The following DDR1 variants were observed in gnomAD, a reference collection of about 807,000 sequenced individuals.
DDR1 encodes discoidin domain receptor tyrosine kinase 1, also known as epithelial discoidin domain-containing receptor 1.
DDR1 carries 64 observed loss-of-function variants against 97.4 expected under a neutral mutation model. That is an observed-to-expected ratio of 0.66 (90% confidence interval 0.54 to 0.81). The LOEUF (loss-of-function observed/expected upper bound fraction) is 0.81. Ranked by LOEUF, DDR1 falls within the 30% of genes least tolerant of loss-of-function variation. The probability of loss-of-function intolerance (pLI) is 0.00; values close to 1 mark genes in which losing one functional copy is unlikely to be tolerated. For missense variants in DDR1, 990 were observed against 1,259.6 expected (o/e 0.79, Z 3.24); for synonymous variants, 458 against 503.7 (o/e 0.91, Z 1.21).
rs376782468 is a variant in DDR1, at chr6:30,889,186, C to T, written c.189-16C>T. Reference sequence around the variant, plus strand: ...ACCTGGGGCCAGATGTTCTCTGTGCCCCTCTTCACCCTCAGGTTGGAGAGC... The same window carrying T: ...ACCTGGGGCCAGATGTTCTCTGTGCTCCTCTTCACCCTCAGGTTGGAGAGC... On this transcript the variant is annotated splice_polypyrimidine_tract_variant and intron_variant, in intron 3 of 17. Coordinates refer to ENST00000376568, the MANE Select transcript of DDR1 (RefSeq NM_001297654.2). This position sits in a 1 kb window ranked among gnomAD's most constrained non-coding sequence, Gnocchi z 4.9. 511 of 1,611,600 alleles carry T rather than the reference C, an allele frequency of 3.2e-4. 1 individual carries two copies. The highest frequency in any genetic ancestry group is 4.2e-4 in the Non-Finnish European group (498 of 1,178,884).
In DDR1 at chr6:30,899,088, C is replaced by T. The variant is rs1361058103; in HGVS notation, c.2601+51C>T. ...GGTCCGAGGCGGGGGACAGAAGGGG[C>T]AGAGTTGTCATCTTGGAGACTAAAG... On this transcript the variant is annotated intron_variant, in intron 17 of 17. Transcript: ENST00000376568. 2.5e-6 allele frequency: 4 copies of T among 1,614,002 alleles called. No individual in the cohort carries two copies. The African/African-American group carries it at 4.0e-5, about 16-fold the overall frequency.
In DDR1 at chr6:30,898,406, G is replaced by A. The variant is rs953440029; in HGVS notation, c.2451+99G>A. ...CTCCATCAGTCACACACTTTCTCTG[G>A]GTTGCATTTTACAGAATCTCATCTA... On this transcript the variant is annotated intron_variant, in intron 16 of 17. Coordinates refer to ENST00000376568, the MANE Select transcript of DDR1 (RefSeq NM_001297654.2). The A allele has an allele frequency of 6.7e-6, 6 of 894,260 alleles. No individual in the cohort carries two copies. In the African/African-American group the frequency reaches 8.4e-5, roughly 12 times the overall value. 55.4% of individuals were successfully genotyped at this position (894,260 alleles called of 1,614,324 possible). A position where few individuals can be genotyped will look rare whatever the true frequency, so the allele number is the denominator to read the frequency against.
Position 30,891,743 on chromosome 6 carries a change from C to G in DDR1, c.666-259C>G, listed in dbSNP as rs9366761. Among the ~76,000 whole-genome samples the G allele has an allele frequency of 6.6e-6, 1 of 151,992 alleles. No homozygotes were observed. The highest frequency in any genetic ancestry group is 2.1e-4 in the South Asian group (1 of 4,824). On this transcript the variant is annotated intron_variant, in intron 6 of 17. Coordinates refer to ENST00000376568, the MANE Select transcript of DDR1 (RefSeq NM_001297654.2). This position sits in a 1 kb window ranked among gnomAD's most constrained non-coding sequence, Gnocchi z 5.3. The stretch of plus-strand genomic sequence containing the variant: ...GTTGGAAATTGCTGCAATAAATATA[C>G]ACATCATAGATTGAAATGGTGCCCC...
chr6:30,881,686 C>T (rs1168224466), upstream of DDR1, among the ~76,000 whole-genome samples: 1 of 152,190 alleles, frequency 6.6e-6, no homozygotes, highest in African/African-American at 2.4e-5. Flanking sequence ...CCTTTTCTTC[C>T]CAAACTTCAG....
Position 30,899,782 on chromosome 6 carries a change from C to T in DDR1, c.*486C>T. ...AAGGAGAGGAAAATGTTTCCTTGTG[C>T]CTGCTCCTGTACTTGTCCTCAGCTT... On this transcript the variant is annotated 3_prime_UTR_variant, in exon 18 of 18. Coordinates refer to ENST00000376568, the MANE Select transcript of DDR1 (RefSeq NM_001297654.2). 1.2e-5 allele frequency: 4 copies of T among 339,712 alleles called. No individual in the cohort carries two copies. The highest frequency in any genetic ancestry group is 2.2e-5 in the Non-Finnish European group (4 of 181,442). The allele number at this position is 339,712 out of a possible 1,614,324, so 21.0% of individuals were successfully genotyped here. A position where few individuals can be genotyped will look rare whatever the true frequency, so the allele number is the denominator to read the frequency against.
At chr6:30,898,795 C>T (rs2150470793) in intron 16 of DDR1, 93 bp from the exon 17 acceptor site, 5 of 1,404,512 alleles carry the variant, frequency 3.6e-6, no homozygotes, top group Non-Finnish European at 4.9e-6. Context: ...CTGAGTGGAG[C>T]CCAGAGTGGA....
In DDR1 at chr6:30,897,646, C is replaced by T; in HGVS notation, c.2216+49C>T. 2 of 1,454,694 alleles carry T rather than the reference C, an allele frequency of 1.4e-6. No individual in the cohort carries two copies. Among genetic ancestry groups the T allele is most frequent in the Non-Finnish European group, 9.4e-7 (1 of 1,058,572 alleles). 90.1% of individuals were successfully genotyped at this position (1,454,694 alleles called of 1,614,324 possible). On this transcript the variant is annotated intron_variant, in intron 15 of 17. Transcript: ENST00000376568. The surrounding 1 kb of genome is among the most constrained non-coding windows in gnomAD (Gnocchi z 5.2). The stretch of plus-strand genomic sequence containing the variant: ...CTTGCTCAGAATTCCCCCAGGGGAT[C>T]TCCTCCTCTCCCCTCGCTTCAGCCT...
At position 30,897,652 on chromosome 6, in the gene DDR1, C is replaced by T; in HGVS notation, c.2216+55C>T. 7.0e-7 allele frequency: 1 copy of T among 1,428,712 alleles called. No homozygotes were observed. The highest frequency in any genetic ancestry group is 1.2e-5 in the South Asian group (1 of 83,540). 88.5% of individuals were successfully genotyped at this position (1,428,712 alleles called of 1,614,324 possible). ...CAGAATTCCCCCAGGGGATCTCCTC[C>T]TCTCCCCTCGCTTCAGCCTGGAGGA... On this transcript the variant is annotated intron_variant, in intron 15 of 17. Coordinates refer to ENST00000376568, the MANE Select transcript of DDR1 (RefSeq NM_001297654.2). The surrounding 1 kb of genome is among the most constrained non-coding windows in gnomAD (Gnocchi z 5.2).
chr6:30,895,602 TC>T, intron 12 of DDR1, 88 bp downstream of exon 12: 1 of 811,212 alleles, frequency 1.2e-6, no homozygotes, highest in Non-Finnish European at 1.9e-6. Flanking sequence ...CTTCCTCCTC[TC>T]CCCACTGTGG....
rs1368070623 is a variant in DDR1 at position 30,886,181 on chromosome 6, C to T, written c.-43+1471C>T. 6.6e-6 allele frequency among the ~76,000 whole-genome samples: 1 copy of T among 152,144 alleles called. No homozygotes were observed. Among genetic ancestry groups the T allele is most frequent in the Admixed American group, 6.5e-5 (1 of 15,282 alleles). ...TTGCATTGTGGCTCTCGCTCTGTCT[C>T]CGCCTGCCTCGTATCCTCTGCCTGC... On this transcript the variant is annotated intron_variant, in intron 1 of 17. Transcript: ENST00000376568. The surrounding 1 kb of genome is among the most constrained non-coding windows in gnomAD (Gnocchi z 4.6).
At position 30,891,403 on chromosome 6, in the gene DDR1, C is replaced by T. The variant is rs758325270; in HGVS notation, c.589C>T (p.Pro197Ser). The change falls in exon 6 of 18, where the codon CCT becomes TCT. Residue 197 changes from proline to serine, a missense_variant. Coordinates refer to ENST00000376568, the MANE Select transcript of DDR1 (RefSeq NM_001297654.2). This position sits in a 1 kb window ranked among gnomAD's most constrained non-coding sequence, Gnocchi z 5.3. ...WRDGLLSYTAPVGQTMYLSEA... is the reference protein window; with the variant it reads ...WRDGLLSYTASVGQTMYLSEA... ...AGATGGACTCCTGTCTTACACCGCCCCTGTGGGGCAGACAATGTATTTATC... is the reference window on the plus strand; with the variant it reads ...AGATGGACTCCTGTCTTACACCGCCTCTGTGGGGCAGACAATGTATTTATC... 6 of 1,612,954 alleles carry T rather than the reference C, an allele frequency of 3.7e-6. No individual in the cohort carries two copies. In the Admixed American group the frequency reaches 8.3e-5, roughly 22 times the overall value.
Position 30,889,214 on chromosome 6 carries a change from T to C in DDR1, c.201T>C (p.Ser67=). 1.9e-6 allele frequency: 3 copies of C among 1,613,040 alleles called. No homozygotes were observed. The highest frequency in any genetic ancestry group is 2.5e-6 in the Non-Finnish European group (3 of 1,180,014). The change falls in exon 4 of 18, where the codon AGT becomes AGC. Residue 67 remains serine (S), a synonymous_variant. Coordinates refer to ENST00000376568, the MANE Select transcript of DDR1 (RefSeq NM_001297654.2). The surrounding 1 kb of genome is among the most constrained non-coding windows in gnomAD (Gnocchi z 4.9). ...TAARHSRLES[S]DGDGAWCPAG... Reference sequence around the variant, plus strand: ...TCTTCACCCTCAGGTTGGAGAGCAGTGACGGGGATGGGGCCTGGTGCCCCG... The same window carrying C: ...TCTTCACCCTCAGGTTGGAGAGCAGCGACGGGGATGGGGCCTGGTGCCCCG...
chr6:30,891,564 T>TGTGTGTGA lies in DDR1; in HGVS notation c.665+92_665+93insAGTGTGTG. 2 of 928,496 alleles carry TGTGTGTGA rather than the reference T, an allele frequency of 2.2e-6. No homozygotes were observed. Among genetic ancestry groups the TGTGTGTGA allele is most frequent in the Admixed American group, 2.1e-5 (1 of 47,498 alleles). The allele number at this position is 928,496 out of a possible 1,614,324, so 57.5% of individuals were successfully genotyped here. A position where few individuals can be genotyped will look rare whatever the true frequency, so the allele number is the denominator to read the frequency against. On this transcript the variant is annotated intron_variant, in intron 6 of 17. Coordinates refer to ENST00000376568, the MANE Select transcript of DDR1 (RefSeq NM_001297654.2). The surrounding 1 kb of genome is among the most constrained non-coding windows in gnomAD (Gnocchi z 5.3). ...GTGTGTGTGTGTGTGTGTGAGAGTG[T>TGTGTGTGA]GTGTGTGTAGGGGGGCTGGTAAGTA...
chr6:30,893,213 GC>G (rs1266666935), intron 9 of DDR1, 50 bp downstream of exon 9: 2 of 1,594,604 alleles, frequency 1.3e-6, no homozygotes, highest in African/African-American at 2.7e-5. Flanking sequence ...TTCTCCCTGG[GC>G]CTCCCCCTCG....
At chr6:30,892,701 T>C (rs2524250) in intron 8 of DDR1, 159 bp downstream of exon 8, 1 of 947,012 alleles carries the variant, frequency 1.1e-6, no homozygotes, top group Non-Finnish European at 1.5e-6. Context: ...TTGAGCCCCT[T>C]TCTGCCTCTT....
chr6:30,898,106 C>G lies in DDR1; in HGVS notation c.2250C>G (p.Ile750Met), dbSNP rs201248998. ...TGCTGCTGCATGTGGCAGCCCAGAT[C>G]GCCTCCGGCATGCGCTATCTGGCCA... ...YPMLLHVAAQ[I>M]ASGMRYLATL... Residue 750 changes from isoleucine (I) to methionine (M), a missense_variant, in exon 16 of 18, where the codon ATC (isoleucine) becomes ATG (methionine). Transcript: ENST00000376568. 6.2e-7 allele frequency: 1 copy of G among 1,614,120 alleles called. No individual in the cohort carries two copies. The highest frequency in any genetic ancestry group is 8.5e-7 in the Non-Finnish European group (1 of 1,180,040).
At chr6:30,895,215 C>T (rs78791827) in intron 11 of DDR1, among the ~76,000 whole-genome samples, 189 bp from the exon 12 acceptor site, 6,763 of 152,242 alleles carry the variant, frequency 0.044, 268 homozygotes, top group African/African-American at 0.099. Flanking sequence ...TCTATTCATA[C>T]GTCCCATCTG....
Position 30,889,441 on chromosome 6 carries a change from C to CTTTTTTA in DDR1, c.417+11_417+12insTTTTTTA. The CTTTTTTA allele has an allele frequency of 1.3e-6, 2 of 1,504,602 alleles. No homozygotes were observed. Among genetic ancestry groups the CTTTTTTA allele is most frequent in the African/African-American group, 1.4e-5 (1 of 72,474 alleles). 93.2% of individuals were successfully genotyped at this position (1,504,602 alleles called of 1,614,324 possible). ...CGCTGGGGTCAGGAGGTGAGACTGG[C>CTTTTTTA]AGGGGCAGCACCCAGAGGAGGTTGG... On this transcript the variant is annotated intron_variant, in intron 4 of 17. Transcript: ENST00000376568. This position sits in a 1 kb window ranked among gnomAD's most constrained non-coding sequence, Gnocchi z 4.9.
Position 30,899,890 on chromosome 6 carries a change from T to G in DDR1, c.*594T>G. 2.2e-6 allele frequency: 1 copy of G among 462,584 alleles called. No homozygotes were observed. Among genetic ancestry groups the G allele is most frequent in the Non-Finnish European group, 4.1e-6 (1 of 242,822 alleles). The allele number at this position is 462,584 out of a possible 1,614,324, so 28.7% of individuals were successfully genotyped here. A position where few individuals can be genotyped will look rare whatever the true frequency, so the allele number is the denominator to read the frequency against. On this transcript the variant is annotated 3_prime_UTR_variant, in exon 18 of 18. Coordinates refer to ENST00000376568, the MANE Select transcript of DDR1 (RefSeq NM_001297654.2). ...CCCTCAGTCACCCCCACTTCCCACT[T>G]GCAGTCTTGTAGCTAGAACTTCTCT...
Sources: allele counts gnomAD v4.1 joint callset (sites outside exome capture counted in the v4.1 genomes callset), GRCh38; gene constraint gnomAD v4.1.1; non-coding constraint Gnocchi (gnomAD v3.1); transcripts MANE v1.5; gene names NCBI Gene and HGNC (gene_info 2026-07-23, HGNC 2026-07-21).